Variants in EFNB2 observed in about 807,000 individuals in gnomAD.
EFNB2 encodes ephrin-B2.
A neutral mutation model predicts 32.1 loss-of-function variants in EFNB2; 5 were observed. The ratio of observed to expected loss-of-function variants is 0.16; its 90% confidence interval spans 0.08 to 0.33. The LOEUF (loss-of-function observed/expected upper bound fraction) is 0.33. Ranked by LOEUF, EFNB2 falls within the 10% of genes least tolerant of loss-of-function variation. The probability of loss-of-function intolerance (pLI) is 1.00; values close to 1 mark genes in which losing one functional copy is unlikely to be tolerated. For missense variants in EFNB2, 263 were observed against 422.6 expected, an observed-to-expected ratio of 0.62 and a Z score of 3.31; for synonymous variants, 168 against 166.5, an observed-to-expected ratio of 1.01 and a Z score of -0.07.
At chr13:106,505,350 G>A (rs931902080) in intron 2 of EFNB2, among the ~76,000 whole-genome samples, 1 of 152,208 alleles carries the variant, frequency 6.6e-6, no homozygotes, top group South Asian at 2.1e-4. Flanking sequence ...TAAGGGTCCA[G>A]CGGCCCTGGA....
intron 2 of EFNB2, among the ~76,000 whole-genome samples, chr13:106,498,572 A>G (rs1281614068): frequency 6.6e-6 from 1 of 152,234 alleles, no homozygotes; most frequent in Non-Finnish European, 1.5e-5. Context: ...TTTAACATCC[A>G]CAGACTATAA....
intron 1 of EFNB2, among the ~76,000 whole-genome samples, chr13:106,527,290 CAAT>C (rs1038460465): frequency 6.6e-6 from 1 of 151,614 alleles, no homozygotes; most frequent in Admixed American, 6.6e-5. Context: ...ATAAAAACAA[CAAT>C]AAAATAAAAA....
intron 2 of EFNB2, among the ~76,000 whole-genome samples, chr13:106,501,937 TA>T (rs1382079248): frequency 2.0e-5 from 3 of 152,164 alleles, no homozygotes; most frequent in Admixed American, 2.0e-4. Context: ...AAAGTTAATT[TA>T]AACAAAACAA....
At chr13:106,526,541 T>C (rs1879706924) in intron 1 of EFNB2, among the ~76,000 whole-genome samples, 1 of 152,186 alleles carries the variant, frequency 6.6e-6, no homozygotes, top group Admixed American at 6.5e-5. Context: ...TCATGAACTT[T>C]ACTGGACAGT....
rs780892117 is a variant in EFNB2, at chr13:106,493,750, G to A, written c.614-322C>T. Among the ~76,000 whole-genome samples, 6 of 152,156 alleles carry A rather than the reference G, an allele frequency of 3.9e-5. No individual in the cohort carries two copies. Among genetic ancestry groups the A allele is most frequent in the Non-Finnish European group, 8.8e-5 (6 of 68,032 alleles). ...TGTCAGCCAGCCTGGGGCAGCGGCAGGGAAGAAAAAGGGAAGTGGCCAATT... is the reference window on the plus strand; with the variant it reads ...TGTCAGCCAGCCTGGGGCAGCGGCAAGGAAGAAAAAGGGAAGTGGCCAATT... On this transcript the variant is annotated intron_variant, in intron 4 of 4. Transcript: ENST00000646441. This position sits in a 1 kb window ranked among gnomAD's most constrained non-coding sequence, Gnocchi z 6.1.
At chr13:106,530,751 C>G (rs373217859) in intron 1 of EFNB2, among the ~76,000 whole-genome samples, 1 of 152,086 alleles carries the variant, frequency 6.6e-6, no homozygotes, top group Non-Finnish European at 1.5e-5. Context: ...AAACGTCGCC[C>G]GAAGTTTGGT....
At chr13:106,511,039 A>T (rs1879127986) in intron 2 of EFNB2, among the ~76,000 whole-genome samples, 1 of 152,144 alleles carries the variant, frequency 6.6e-6, no homozygotes, top group Admixed American at 6.6e-5. Context: ...AGTCTTTACT[A>T]ATATAAATAC....
In EFNB2 at chr13:106,493,450, A is replaced by C. The variant is rs201857203; in HGVS notation, c.614-22T>G. The C allele has an allele frequency of 7.5e-6, 12 of 1,592,076 alleles. No individual in the cohort carries two copies. The East Asian group carries it at 2.5e-4, about 33-fold the overall frequency. On this transcript the variant is annotated intron_variant, in intron 4 of 4. Coordinates refer to ENST00000646441, the MANE Select transcript of EFNB2 (RefSeq NM_004093.4). The surrounding 1 kb of genome is among the most constrained non-coding windows in gnomAD (Gnocchi z 6.1). Reference sequence around the variant, plus strand: ...GAACCTGCAGACGCGGAGACAGAAAAGGTCAGAGATAGTTACTGCTGTCCC... The same window carrying C: ...GAACCTGCAGACGCGGAGACAGAAACGGTCAGAGATAGTTACTGCTGTCCC...
intron 1 of EFNB2, among the ~76,000 whole-genome samples, chr13:106,514,130 T>C (rs1879237133): frequency 6.6e-6 from 1 of 152,202 alleles, no homozygotes; most frequent in African/African-American, 2.4e-5. Context: ...CTTGGGAATG[T>C]GTTACTGTAC....
Position 106,491,161 on chromosome 13 carries a change from C to G in EFNB2, c.*1879G>C, listed in dbSNP as rs1340348798. 6.6e-6 allele frequency: 1 copy of G among 152,630 alleles called. No homozygotes were observed. Among genetic ancestry groups the G allele is most frequent in the Non-Finnish European group, 1.5e-5 (1 of 68,050 alleles). 9.5% of individuals were successfully genotyped at this position (152,630 alleles called of 1,614,324 possible). A position where few individuals can be genotyped will look rare whatever the true frequency, so the allele number is the denominator to read the frequency against. ...ACCTGCTGGATTCTAGAGAACACTTCAGCCCATAAGGCAAGGGAAAACCCA... is the reference window on the plus strand; with the variant it reads ...ACCTGCTGGATTCTAGAGAACACTTGAGCCCATAAGGCAAGGGAAAACCCA... On this transcript the variant is annotated 3_prime_UTR_variant, in exon 5 of 5. Coordinates refer to ENST00000646441, the MANE Select transcript of EFNB2 (RefSeq NM_004093.4).
chr13:106,524,183 G>A (rs902336097), intron 1 of EFNB2, among the ~76,000 whole-genome samples: 5 of 151,982 alleles, frequency 3.3e-5, no homozygotes, highest in East Asian at 1.9e-4. Flanking sequence ...AAAACTACAC[G>A]ACCATCATAA....
chr13:106,514,700 T>C (rs1879256954), intron 1 of EFNB2, among the ~76,000 whole-genome samples: 1 of 152,224 alleles, frequency 6.6e-6, no homozygotes. Context: ...TGCCTAGGGT[T>C]TCTCATACAC....
rs1193075879 is a variant in EFNB2, at chr13:106,528,754, G to C, written c.122+6089C>G. ...CTTATTTTGTTTAATGGCTGAAATG[G>C]AAAGTATGGAAGGCAAAAACAAAAG... On this transcript the variant is annotated intron_variant, in intron 1 of 4. Transcript: ENST00000646441. 2.6e-5 allele frequency among the ~76,000 whole-genome samples: 4 copies of C among 152,180 alleles called. No homozygotes were observed. The East Asian group carries it at 7.7e-4, about 29-fold the overall frequency.
At position 106,493,486 on chromosome 13, in the gene EFNB2, G is replaced by A; in HGVS notation, c.614-58C>T. On this transcript the variant is annotated intron_variant, in intron 4 of 4. Transcript: ENST00000646441. The surrounding 1 kb of genome is among the most constrained non-coding windows in gnomAD (Gnocchi z 6.1). ...AGTTACTGCTGTCCCAGTGCAGACG[G>A]ACTGCTTTTATGACCCTTAAAAATG... The A allele has an allele frequency of 6.5e-7, 1 of 1,541,498 alleles. No individual in the cohort carries two copies.
At chr13:106,522,610 T>C (rs1359220270) in intron 1 of EFNB2, among the ~76,000 whole-genome samples, 1 of 152,216 alleles carries the variant, frequency 6.6e-6, no homozygotes, top group Non-Finnish European at 1.5e-5. Flanking sequence ...AGCATAACAA[T>C]ACTACAATCT....
chr13:106,500,188 C>T (rs1878726162), intron 2 of EFNB2, among the ~76,000 whole-genome samples: 1 of 152,206 alleles, frequency 6.6e-6, no homozygotes, highest in Admixed American at 6.5e-5. Context: ...TTTCACATGT[C>T]TTCATCTGAT....
Position 106,493,275 on chromosome 13 carries a change from T to C in EFNB2, c.767A>G (p.His256Arg). The change falls in exon 5 of 5, where the codon CAC becomes CGC. Residue 256 changes from histidine to arginine, a missense_variant. Coordinates refer to ENST00000646441, the MANE Select transcript of EFNB2 (RefSeq NM_004093.4). The surrounding 1 kb of genome is among the most constrained non-coding windows in gnomAD (Gnocchi z 6.1). ...CGTGTGCTGCGGCGAGTGCTTCCTG[T>C]GTCTCCTCCGGTACTTCAGCAAGAG... ...VVLLLKYRRR[H>R]RKHSPQHTTT... The C allele has an allele frequency of 6.2e-7, 1 of 1,614,162 alleles. No individual in the cohort carries two copies. The highest frequency in any genetic ancestry group is 8.5e-7 in the Non-Finnish European group (1 of 1,180,028).
At chr13:106,519,117 A>G (rs1048457064) in intron 1 of EFNB2, 1 of 152,168 alleles carries the variant, frequency 6.6e-6, no homozygotes, top group African/African-American at 2.4e-5. Context: ...CAGAACAAAA[A>G]AGATACAAAC....
At position 106,512,584 on chromosome 13, in the gene EFNB2, G is replaced by C; in HGVS notation, c.351C>G (p.Phe117Leu). 6.2e-7 allele frequency: 1 copy of C among 1,613,686 alleles called. No homozygotes were observed. Among genetic ancestry groups the C allele is most frequent in the Non-Finnish European group, 8.5e-7 (1 of 1,179,752 alleles). ...DIKFTIKFQE[F>L]SPNLWGLEFQ... The stretch of plus-strand genomic sequence containing the variant: ...ATTCTAGACCCCAGAGGTTAGGGCT[G>C]AATTCTTGAAACTTGATGGTGAATT... The change falls in exon 2 of 5, where the codon TTC (phenylalanine) becomes TTG (leucine). Residue 117 changes from phenylalanine (F) to leucine (L), a missense_variant. This residue lies in a region of EFNB2 where 45 missense variants were observed against 128.6 expected (regional missense o/e 0.35). Transcript: ENST00000646441.
Sources: gnomAD v4.1 joint callset for allele counts (sites outside exome capture counted in the v4.1 genomes callset) on GRCh38, gnomAD v4.1.1 for gene constraint, gnomAD v4.1.1 regional missense constraint, Gnocchi (gnomAD v3.1) non-coding constraint, MANE v1.5 for transcripts, NCBI Gene and HGNC (gene_info 2026-07-23, HGNC 2026-07-21) for gene names.